The following TPST1 variants were observed in gnomAD, a reference collection of about 807,000 sequenced individuals.
TPST1 encodes the protein protein-tyrosine sulfotransferase 1.
A neutral mutation model predicts 34.8 loss-of-function variants in TPST1; 20 were observed. The observed-to-expected ratio is 0.57, with a 90% confidence interval of 0.40 to 0.84. The LOEUF is 0.84. TPST1 is among the 40% of genes least tolerant of loss of function. The pLI is 0.00. For missense variants in TPST1, 353 were observed against 455.5 expected (o/e 0.78, Z 2.05); for synonymous variants, 152 against 159.4 (o/e 0.95, Z 0.35).
At chr7:66,225,411 A>G (rs1485488694) in intron 1 of TPST1, among the ~76,000 whole-genome samples, 3 of 151,892 alleles carry the variant, frequency 2.0e-5, no homozygotes, top group African/African-American at 4.8e-5. Context: ...CAGGAGTTCA[A>G]GGCCAGCCTG....
At chr7:66,201,885 C>G (rs1584126169), upstream of TPST1, among the ~76,000 whole-genome samples, 2 of 148,190 alleles carry the variant, frequency 1.3e-5, no homozygotes, top group Non-Finnish European at 1.5e-5. Flanking sequence ...AAAAGGTAAT[C>G]CAAGCATATA....
At chr7:66,344,424 T>A (rs558869664) in intron 3 of TPST1, 1 of 151,974 alleles carries the variant, frequency 6.6e-6, no homozygotes, top group Non-Finnish European at 1.5e-5. Context: ...TTTCTAATTG[T>A]TTTTTTTAGA....
the TPST1 span, among the ~76,000 whole-genome samples, chr7:66,199,168 C>A: frequency 1.3e-5 from 2 of 152,284 alleles, no homozygotes; most frequent in South Asian, 4.1e-4. Flanking sequence ...GCCCTGCTGG[C>A]CTTCTTTGAC....
chr7:66,282,080 C>T (rs1790943188), intron 2 of TPST1, among the ~76,000 whole-genome samples: 2 of 152,034 alleles, frequency 1.3e-5, no homozygotes, highest in African/African-American at 2.4e-5. Flanking sequence ...TTTGAGGTCT[C>T]AGTAAGCTAA....
chr7:66,341,728 C>T (rs1305026408), intron 3 of TPST1, among the ~76,000 whole-genome samples: 1 of 152,124 alleles, frequency 6.6e-6, no homozygotes, highest in Non-Finnish European at 1.5e-5. Flanking sequence ...CAGAACATCT[C>T]TAACATAAGA....
chr7:66,268,654 G>A (rs1173634971), intron 2 of TPST1, among the ~76,000 whole-genome samples: 1 of 151,708 alleles, frequency 6.6e-6, no homozygotes, highest in Admixed American at 6.6e-5. Context: ...AAATAAAAGT[G>A]AATATGTATC....
chr7:66,206,269 T>G (rs1459408600), intron 1 of TPST1, among the ~76,000 whole-genome samples: 1 of 151,994 alleles, frequency 6.6e-6, no homozygotes, highest in Non-Finnish European at 1.5e-5. Flanking sequence ...AGATCCATAG[T>G]GTAATATCTT....
At chr7:66,302,611 G>T (rs1791340719) in intron 3 of TPST1, among the ~76,000 whole-genome samples, 1 of 152,190 alleles carries the variant, frequency 6.6e-6, no homozygotes, top group Admixed American at 6.5e-5. Context: ...ACCTATGGGA[G>T]ACCTCCTTTT....
At chr7:66,338,108 A>G (rs1400814792) in intron 3 of TPST1, among the ~76,000 whole-genome samples, 1 of 152,248 alleles carries the variant, frequency 6.6e-6, no homozygotes, top group Non-Finnish European at 1.5e-5. Context: ...TCATCTGTAA[A>G]GATAAGCACA....
intron 3 of TPST1, among the ~76,000 whole-genome samples, chr7:66,343,141 T>C (rs777719488): frequency 3.3e-5 from 5 of 152,142 alleles, no homozygotes; most frequent in African/African-American, 4.8e-5. Flanking sequence ...TCCTGTGTAA[T>C]GATAGTGGAT....
At chr7:66,245,907 T>C (rs1790137194) in intron 2 of TPST1, among the ~76,000 whole-genome samples, 1 of 152,232 alleles carries the variant, frequency 6.6e-6, no homozygotes, top group Non-Finnish European at 1.5e-5. Flanking sequence ...GTTTTTGTTT[T>C]TGTTTTCATG....
intron 2 of TPST1, among the ~76,000 whole-genome samples, chr7:66,285,508 A>G (rs549319568): frequency 6.6e-6 from 1 of 152,222 alleles, no homozygotes; most frequent in South Asian, 2.1e-4. Context: ...GGGAAGAGGC[A>G]TTGTTTTTCT....
intron 3 of TPST1, among the ~76,000 whole-genome samples, chr7:66,324,056 A>T (rs1275369396): frequency 6.6e-6 from 1 of 152,226 alleles, no homozygotes; most frequent in Non-Finnish European, 1.5e-5. Context: ...ATCACAAAGG[A>T]ATATTATTCA....
chr7:66,221,341 C>T (rs1459346771), intron 1 of TPST1, among the ~76,000 whole-genome samples: 1 of 152,044 alleles, frequency 6.6e-6, no homozygotes, highest in Non-Finnish European at 1.5e-5. Context: ...ATTGACGGGA[C>T]TTTACCAGTT....
At chr7:66,339,955 A>T (rs995443201) in intron 3 of TPST1, among the ~76,000 whole-genome samples, 1 of 152,192 alleles carries the variant, frequency 6.6e-6, no homozygotes, top group Non-Finnish European at 1.5e-5. Flanking sequence ...ACCAAAAACC[A>T]TATGATGATT....
intron 1 of TPST1, among the ~76,000 whole-genome samples, chr7:66,206,228 G>T (rs1211549952): frequency 6.6e-6 from 1 of 150,658 alleles, no homozygotes; most frequent in Non-Finnish European, 1.5e-5. Context: ...AAAGTGCTGG[G>T]ATTACAGGCG....
chr7:66,303,450 C>G (rs1266533224), intron 3 of TPST1, among the ~76,000 whole-genome samples: 1 of 97,658 alleles, frequency 1.0e-5, no homozygotes, highest in Admixed American at 1.0e-4. Context: ...CATTCTGTCA[C>G]CCAGGCTGGA....
At chr7:66,330,082 T>C (rs1416854711) in intron 3 of TPST1, among the ~76,000 whole-genome samples, 3 of 152,216 alleles carry the variant, frequency 2.0e-5, no homozygotes, top group Non-Finnish European at 4.4e-5. Context: ...CCTGCACATG[T>C]ACCCCCTGAA....
chr7:66,218,964 T>C (rs1349413855), intron 1 of TPST1, among the ~76,000 whole-genome samples: 1 of 151,822 alleles, frequency 6.6e-6, no homozygotes. Context: ...CACAGCAACC[T>C]CTGCCTCCCC....
Sources: allele counts gnomAD v4.1 joint callset (sites outside exome capture counted in the v4.1 genomes callset), GRCh38; gene constraint gnomAD v4.1.1; transcripts MANE v1.5; gene names NCBI Gene and HGNC (gene_info 2026-07-23, HGNC 2026-07-21).